MCM6: variants seen among roughly 807,000 people sequenced by gnomAD.
MCM6 encodes minichromosome maintenance complex component 6, also known as DNA replication licensing factor MCM6.
MCM6 carries 46 observed loss-of-function variants against 94.3 expected under a neutral mutation model. That is an observed-to-expected ratio of 0.49 (90% CI 0.39 to 0.62). The LOEUF (loss-of-function observed/expected upper bound fraction) is 0.62, where lower values mean the gene tolerates loss of function less well. Among genes scored for constraint, MCM6 ranks in the 20% least tolerant of loss-of-function variants. The pLI is 0.00. For synonymous variants in MCM6, 335 were observed against 351.9 expected (o/e 0.95, Z 0.54); for missense variants, 865 against 1,017.9 (o/e 0.85, Z 2.04).
At chr2:135,866,529 A>T in intron 5 of MCM6, 34 bp downstream of exon 5, 1 of 1,586,374 alleles carries the variant, frequency 6.3e-7, no homozygotes, top group Non-Finnish European at 8.6e-7. Context: ...TAGGTAACTG[A>T]GAATTTGTTA....
intron 8 of MCM6, among the ~76,000 whole-genome samples, chr2:135,861,422 T>C (rs1465023880): frequency 6.6e-6 from 1 of 152,090 alleles, no homozygotes; most frequent in Non-Finnish European, 1.5e-5. Flanking sequence ...ACATAACACA[T>C]ATACAGCACT....
intron 13 of MCM6, among the ~76,000 whole-genome samples, chr2:135,849,319 G>C (rs1212551314): frequency 6.6e-6 from 1 of 152,154 alleles, no homozygotes; most frequent in Non-Finnish European, 1.5e-5. Context: ...ATATCAGCCT[G>C]AATCTCTGAG....
rs190758114 is a variant in MCM6, at chr2:135,862,483, T to C, written c.1220+124A>G. On this transcript the variant is annotated intron_variant, in intron 8 of 16. Transcript: ENST00000264156. ...CCATAACTTTAATCTATGAGAATTATATATTCAACATAGTCATAATTTACA... is the reference window on the plus strand; with the variant it reads ...CCATAACTTTAATCTATGAGAATTACATATTCAACATAGTCATAATTTACA... 107 of 1,065,492 alleles carry C rather than the reference T, an allele frequency of 1.0e-4. No homozygotes were observed. In the African/African-American group the frequency reaches 1.5e-3, roughly 15 times the overall value. 66.0% of individuals were successfully genotyped at this position (1,065,492 alleles called of 1,614,324 possible).
intron 7 of MCM6, among the ~76,000 whole-genome samples, chr2:135,864,532 T>A (rs774146972): frequency 9.9e-5 from 15 of 152,034 alleles, no homozygotes; most frequent in Non-Finnish European, 1.9e-4. Context: ...AGGAGACTAG[T>A]CTCGCATATG....
intron 13 of MCM6, among the ~76,000 whole-genome samples, chr2:135,850,946 G>C (rs1003457635): frequency 2.6e-5 from 4 of 152,222 alleles, no homozygotes; most frequent in Admixed American, 1.3e-4. Flanking sequence ...ATGCCCTTTC[G>C]TACTACTCCC....
In MCM6 at chr2:135,865,160, C is replaced by A. The variant is rs1355582830; in HGVS notation, c.931G>T (p.Gly311Trp). Residue 311 changes from glycine to tryptophan, a missense_variant, in exon 7 of 17, where the codon GGG becomes TGG. By Grantham distance (184) the Gly-to-Trp change is radical (BLOSUM62 -2). Coordinates refer to ENST00000264156, the MANE Select transcript of MCM6 (RefSeq NM_005915.6). ...TCCTCATCTCTGAGCTCTTTCCCCC[C>A]AAACTAATGGTAGAGAACAAAGGAA... ...CCVAPTNPRFGGKELRDEEQT... is the reference protein window; with the variant it reads ...CCVAPTNPRFWGKELRDEEQT... 5 of 1,516,042 alleles carry A rather than the reference C, an allele frequency of 3.3e-6. No homozygotes were observed. Among genetic ancestry groups the A allele is most frequent in the Non-Finnish European group, 4.4e-6 (5 of 1,133,992 alleles). The allele number at this position is 1,516,042 out of a possible 1,614,324, so 93.9% of individuals were successfully genotyped here. A position where few individuals can be genotyped will look rare whatever the true frequency, so the allele number is the denominator to read the frequency against.
chr2:135,847,065 A>G (rs1419420123), intron 14 of MCM6, among the ~76,000 whole-genome samples: 1 of 152,190 alleles, frequency 6.6e-6, no homozygotes, highest in African/African-American at 2.4e-5. Context: ...TACATAGCAT[A>G]TAAGAATTTT....
intron 2 of MCM6, among the ~76,000 whole-genome samples, chr2:135,872,461 A>T (rs572582159): frequency 6.6e-6 from 1 of 151,762 alleles, no homozygotes; most frequent in East Asian, 1.9e-4. Context: ...AAAAACAAAC[A>T]AACAAACAAA....
chr2:135,842,397 T>C (rs1343983344), intron 16 of MCM6, among the ~76,000 whole-genome samples: 6 of 152,142 alleles, frequency 3.9e-5, no homozygotes, highest in African/African-American at 1.2e-4. Flanking sequence ...AATATTTATA[T>C]AGTGAGCCCT....
rs574473336 is a variant in MCM6 at position 135,872,479 on chromosome 2, A to ACAAG, written c.254+217_254+218insCTTG. Among the ~76,000 whole-genome samples the ACAAG allele has an allele frequency of 2.1e-4, 32 of 151,920 alleles. No homozygotes were observed. In the East Asian group the frequency reaches 6.2e-3, roughly 29 times the overall value. ...AACAAACAAACAAACAAACAAACAA[A>ACAAG]ACACAACAACAAAAAAACGTTCGGC... On this transcript the variant is annotated intron_variant, in intron 2 of 16. Transcript: ENST00000264156.
intron 7 of MCM6, among the ~76,000 whole-genome samples, chr2:135,864,606 T>C (rs1292667742): frequency 6.6e-6 from 1 of 152,234 alleles, no homozygotes; most frequent in Non-Finnish European, 1.5e-5. Flanking sequence ...TAACTTTTCC[T>C]TAAAAAAATA....
intron 2 of MCM6, 46 bp from the exon 3 acceptor site, chr2:135,870,407 C>A: frequency 7.5e-7 from 1 of 1,334,276 alleles, no homozygotes; most frequent in South Asian, 1.2e-5. Flanking sequence ...TTTACCAAGG[C>A]CTCCTTCCCT....
rs191517067 is a variant in MCM6, at chr2:135,858,001, C to T, written c.1366G>A (p.Val456Met). Residue 456 changes from valine (V) to methionine (M), a missense_variant, in exon 10 of 17, where the codon GTG becomes ATG. Val to Met is a conservative substitution (Grantham distance 21, BLOSUM62 1). Transcript: ENST00000264156. ...AGALMLADNG[V>M]CCIDEFDKMD... is the part of the protein sequence containing the mutation. ...TTATCAAATTCATCAATACAACACA[C>T]ACCCTGTAACCAAACAAATCAAGCC... 1.5e-5 allele frequency: 25 copies of T among 1,612,946 alleles called. No homozygotes were observed. The highest frequency in any genetic ancestry group is 1.9e-5 in the Non-Finnish European group (22 of 1,179,680).
At chr2:135,860,496 G>A (rs1445655565) in intron 8 of MCM6, among the ~76,000 whole-genome samples, 2 of 152,132 alleles carry the variant, frequency 1.3e-5, no homozygotes, top group East Asian at 3.9e-4. Flanking sequence ...CTATCAGAAG[G>A]TCTTGCAATT....
rs769922920 is a variant in MCM6 at position 135,876,359 on chromosome 2, G to A, written c.7C>T (p.Leu3Phe). 2.5e-6 allele frequency: 4 copies of A among 1,605,974 alleles called. No individual in the cohort carries two copies. The highest frequency in any genetic ancestry group is 2.2e-5 in the South Asian group (2 of 90,666). The change falls in exon 1 of 17, where the codon CTC (leucine) becomes TTC (phenylalanine). Residue 3 changes from leucine to phenylalanine, a missense_variant. Transcript: ENST00000264156. ...GCGCCCGGCTCCGCTGCCGCCGCGA[G>A]GTCCATATTTGCTTAGTGCCGAGGA... is the stretch of plus-strand genomic sequence containing the variant. MD[L>F]AAAAEPGAGS...
Position 135,868,734 on chromosome 2 carries a change from C to A in MCM6, c.492G>T (p.Val164=), listed in dbSNP as rs768367743. 2 of 1,614,196 alleles carry A rather than the reference C, an allele frequency of 1.2e-6. No homozygotes were observed. Among genetic ancestry groups the A allele is most frequent in the Non-Finnish European group, 1.7e-6 (2 of 1,180,040 alleles). ...TGAACTGCTGTTCTACATCCCTGAT[C>A]ACTGTCTGACAGTCCAAGCACAGAA... ...GTFLCLDCQT[V]IRDVEQQFKY... Residue 164 remains valine (V), a synonymous_variant, in exon 4 of 17, where the codon GTG becomes GTT. Coordinates refer to ENST00000264156, the MANE Select transcript of MCM6 (RefSeq NM_005915.6).
chr2:135,873,006 T>C (rs961766514), intron 1 of MCM6, among the ~76,000 whole-genome samples, 163 bp from the exon 2 acceptor site: 6 of 152,214 alleles, frequency 3.9e-5, no homozygotes, highest in African/African-American at 9.6e-5. Flanking sequence ...TGATATGGTT[T>C]GGCTGTGTCC....
chr2:135,841,475 G>A (rs889321550), intron 16 of MCM6, among the ~76,000 whole-genome samples: 1 of 152,038 alleles, frequency 6.6e-6, no homozygotes, highest in Admixed American at 6.6e-5. Flanking sequence ...CTTGATGACA[G>A]ATTTTAAGCC....
At chr2:135,872,949 C>T (rs991852176) in intron 1 of MCM6, 106 bp from the exon 2 acceptor site, 1 of 1,374,052 alleles carries the variant, frequency 7.3e-7, no homozygotes, top group Non-Finnish European at 9.9e-7. Flanking sequence ...CTCAGACAGG[C>T]CCATGTTTGG....
Sources: allele counts gnomAD v4.1 joint callset (sites outside exome capture counted in the v4.1 genomes callset), GRCh38; gene constraint gnomAD v4.1.1; transcripts MANE v1.5; gene names NCBI Gene and HGNC (gene_info 2026-07-23, HGNC 2026-07-21).